Variants in NF2 observed in about 807,000 individuals in gnomAD.
NF2 encodes the protein NF2, moesin-ezrin-radixin like (MERLIN) tumor suppressor.
A neutral mutation model predicts 83.7 loss-of-function variants in NF2; 8 were observed. The ratio of observed to expected loss-of-function variants is 0.10; its 90% CI spans 0.06 to 0.17. The LOEUF (loss-of-function observed/expected upper bound fraction) is 0.17, where lower values mean the gene tolerates loss of function less well. Ranked by LOEUF, NF2 falls within the 10% of genes least tolerant of loss-of-function variation. The pLI is 1.00. For missense variants in NF2, 533 were observed against 744.4 expected (o/e 0.72, Z 3.31); for synonymous variants, 266 against 269.6 (o/e 0.99, Z 0.13).
rs74315505 is a variant in NF2 at position 29,681,443 on chromosome 22, G to T, written c.1579G>T (p.Glu527Ter). 1 of 1,614,028 alleles carries T rather than the reference G, an allele frequency of 6.2e-7. No homozygotes were observed. Among genetic ancestry groups the T allele is most frequent in the Non-Finnish European group, 8.5e-7 (1 of 1,179,980 alleles). ...LSMEIEKEKV[E>*]YMEKSKHLQE... ...ATGATACCCTCTTGCCGGCAGAGTG[G>T]AATACATGGAAAAGAGCAAGCATCT... The change falls in exon 15 of 16, where the codon GAA becomes TAA. Residue 527 changes from glutamate (E) to a stop codon, truncating the protein, a stop_gained. Coordinates refer to ENST00000338641, the MANE Select transcript of NF2 (RefSeq NM_000268.4). LOFTEE classifies it high-confidence loss of function.
intron 1 of NF2, 45 bp downstream of exon 1, chr22:29,604,157 G>C: frequency 3.5e-6 from 5 of 1,449,150 alleles, no homozygotes; most frequent in South Asian, 1.2e-5. Flanking sequence ...AGTCGAGGTG[G>C]AAGCTCGAGA....
chr22:29,639,571 A>G (rs191156448), intron 3 of NF2, among the ~76,000 whole-genome samples: 8 of 152,292 alleles, frequency 5.3e-5, no homozygotes, highest in African/African-American at 1.9e-4. Context: ...TTCTTCCAAA[A>G]GTTTAAAATC....
At position 29,674,881 on chromosome 22, in the gene NF2, C is replaced by T. The variant is rs138354622; in HGVS notation, c.1386C>T (p.Arg462=). Reference sequence around the variant, plus strand: ...TGAAGCAGGACCTGCAGGAAGCACGCGAGGCGGAGCGAAGAGCCAAGCAGA... The same window carrying T: ...TGAAGCAGGACCTGCAGGAAGCACGTGAGGCGGAGCGAAGAGCCAAGCAGA... ...DQLKQDLQEA[R]EAERRAKQKL... The change falls in exon 13 of 16, where the codon CGC becomes CGT. Residue 462 remains arginine, a synonymous_variant. Coordinates refer to ENST00000338641, the MANE Select transcript of NF2 (RefSeq NM_000268.4). 2.1e-4 allele frequency: 334 copies of T among 1,572,596 alleles called. No individual in the cohort carries two copies. In the African/African-American group the frequency reaches 2.8e-3, roughly 13 times the overall value.
intron 15 of NF2, among the ~76,000 whole-genome samples, chr22:29,690,251 G>C (rs943178298): frequency 6.6e-6 from 1 of 152,234 alleles, no homozygotes; most frequent in African/African-American, 2.4e-5. Flanking sequence ...TGGGTACCAG[G>C]TTCTTTTAGC....
chr22:29,645,164 T>A (rs949488280), intron 4 of NF2, among the ~76,000 whole-genome samples: 1 of 152,204 alleles, frequency 6.6e-6, no homozygotes. Flanking sequence ...AGGCTATACA[T>A]GCTAGTCAGA....
At chr22:29,610,469 C>T (rs2064921358) in intron 1 of NF2, among the ~76,000 whole-genome samples, 2 of 151,788 alleles carry the variant, frequency 1.3e-5, no homozygotes, top group Non-Finnish European at 2.9e-5. Flanking sequence ...ATGGTGAAAC[C>T]CCATCTCTAC....
intron 13 of NF2, among the ~76,000 whole-genome samples, chr22:29,677,134 A>G (rs573369825): frequency 6.6e-6 from 1 of 152,336 alleles, no homozygotes; most frequent in African/African-American, 2.4e-5. Flanking sequence ...GATTGTTTGC[A>G]GGAAACTTGC....
At chr22:29,671,397 C>T (rs1481674532) in intron 10 of NF2, among the ~76,000 whole-genome samples, 2 of 151,984 alleles carry the variant, frequency 1.3e-5, no homozygotes, top group Non-Finnish European at 2.9e-5. Context: ...GGCATGGTGG[C>T]GGGTGCCTAT....
intron 1 of NF2, among the ~76,000 whole-genome samples, chr22:29,616,165 A>C (rs768762197): frequency 1.3e-5 from 2 of 152,152 alleles, no homozygotes; most frequent in African/African-American, 4.8e-5. Context: ...GCTGGGAAAA[A>C]TGGGTGGGGT....
intron 4 of NF2, among the ~76,000 whole-genome samples, chr22:29,654,438 C>T (rs543953732): frequency 6.6e-6 from 1 of 152,296 alleles, no homozygotes; most frequent in South Asian, 2.1e-4. Context: ...AGCACATCAC[C>T]CATCCATCTC....
chr22:29,615,390 G>A (rs959218948), intron 1 of NF2, among the ~76,000 whole-genome samples: 1 of 151,926 alleles, frequency 6.6e-6, no homozygotes, highest in Non-Finnish European at 1.5e-5. Flanking sequence ...CTGGGCAACA[G>A]AGTGAGACCT....
Position 29,658,183 on chromosome 22 carries a change from C to T in NF2, c.600-6C>T, listed in dbSNP as rs749155274. On this transcript the variant is annotated splice_region_variant and splice_polypyrimidine_tract_variant and intron_variant, in intron 6 of 15. Transcript: ENST00000338641. ...CCAATGACAGTGTCTTCCGTTCTCC[C>T]CACAGGGATGAAGCTGAAATGGAAT... 9 of 1,613,820 alleles carry T rather than the reference C, an allele frequency of 5.6e-6. No individual in the cohort carries two copies. Among genetic ancestry groups the T allele is most frequent in the African/African-American group, 1.3e-5 (1 of 74,914 alleles).
At chr22:29,676,136 G>A (rs1376940488) in intron 13 of NF2, among the ~76,000 whole-genome samples, 2 of 151,994 alleles carry the variant, frequency 1.3e-5, no homozygotes, top group African/African-American at 4.8e-5. Context: ...CTGAACACCT[G>A]AGATGTGTTA....
chr22:29,650,364 T>C (rs1468071035), intron 4 of NF2, among the ~76,000 whole-genome samples: 1 of 152,194 alleles, frequency 6.6e-6, no homozygotes, highest in Non-Finnish European at 1.5e-5. Context: ...CTTTAAAATT[T>C]TTGCTAATTG....
At chr22:29,644,005 G>A (rs1324425356) in intron 4 of NF2, among the ~76,000 whole-genome samples, 2 of 142,000 alleles carry the variant, frequency 1.4e-5, no homozygotes, top group African/African-American at 5.3e-5. Context: ...GGGGCGGCTG[G>A]CCTGGCCGGG....
chr22:29,668,404 G>A lies in NF2; in HGVS notation c.957G>A (p.Gln319=), dbSNP rs2147052560. ...GGAAAGCCGATTCTTTGGAAGTTCA[G>A]CAGATGAAAGCCCAGGCCAGGGAGG... ...RRRKADSLEV[Q]QMKAQAREEK... Residue 319 remains glutamine, a synonymous_variant, in exon 10 of 16, where the codon CAG becomes CAA. Coordinates refer to ENST00000338641, the MANE Select transcript of NF2 (RefSeq NM_000268.4). 6.2e-7 allele frequency: 1 copy of A among 1,613,970 alleles called. No individual in the cohort carries two copies. The highest frequency in any genetic ancestry group is 8.5e-7 in the Non-Finnish European group (1 of 1,179,872).
In NF2 at chr22:29,639,127, C is replaced by T; in HGVS notation, c.278C>T (p.Thr93Ile). ...DHDVSKEEPV[T>I]FHFLAKFYPE... Reference sequence around the variant, plus strand: ...GATGTTTCAAAGGAAGAACCAGTCACCTTTCACTTCTTGGCCAAATTTTAT... The same window carrying T: ...GATGTTTCAAAGGAAGAACCAGTCATCTTTCACTTCTTGGCCAAATTTTAT... The change falls in exon 3 of 16, where the codon ACC becomes ATC. Residue 93 changes from threonine (T) to isoleucine (I), a missense_variant. Thr to Ile is a moderately conservative substitution (Grantham distance 89). This residue lies in a region of NF2 where 326 missense variants were observed against 475.1 expected (regional missense o/e 0.69). Coordinates refer to ENST00000338641, the MANE Select transcript of NF2 (RefSeq NM_000268.4). 1 of 1,614,182 alleles carries T rather than the reference C, an allele frequency of 6.2e-7. No homozygotes were observed. Among genetic ancestry groups the T allele is most frequent in the South Asian group, 1.1e-5 (1 of 91,086 alleles).
chr22:29,638,872 T>C (rs928865079), intron 2 of NF2, among the ~76,000 whole-genome samples: 21 of 152,236 alleles, frequency 1.4e-4, no homozygotes, highest in African/African-American at 4.8e-4. Flanking sequence ...CTTGGGGCTA[T>C]TGATTAATTT....
At chr22:29,642,594 A>G (rs2146897973) in intron 4 of NF2, among the ~76,000 whole-genome samples, 1 of 152,092 alleles carries the variant, frequency 6.6e-6, no homozygotes, top group South Asian at 2.1e-4. Context: ...TAATCTCATT[A>G]TGTACATGTG....
Sources: allele counts gnomAD v4.1 joint callset (sites outside exome capture counted in the v4.1 genomes callset), GRCh38; gene constraint gnomAD v4.1.1; regional missense constraint gnomAD v4.1.1; transcripts MANE v1.5; gene names NCBI Gene and HGNC (gene_info 2026-07-23, HGNC 2026-07-21).